MPDZ: variants seen among roughly 807,000 people sequenced by gnomAD.
MPDZ encodes the protein multiple PDZ domain protein.
MPDZ carries 234 observed loss-of-function variants against 239.1 expected under a neutral mutation model. The ratio of observed to expected loss-of-function variants is 0.98; its 90% CI spans 0.88 to 1.09. The LOEUF (loss-of-function observed/expected upper bound fraction) is 1.09, where lower values mean the gene tolerates loss of function less well. Among genes scored for constraint, MPDZ ranks in the 50% least tolerant of loss-of-function variants. The probability of loss-of-function intolerance (pLI) is 0.00; values close to 1 mark genes in which losing one functional copy is unlikely to be tolerated. For missense variants in MPDZ, 3,175 were observed against 2,510.0 expected (o/e 1.26, Z -5.66); for synonymous variants, 1,048 against 881.3 (o/e 1.19, Z -3.35).
In MPDZ at chr9:13,119,565, T is replaced by C. The variant is rs1470420725; in HGVS notation, c.5316A>G (p.Ile1772Met). 1 of 1,613,910 alleles carries C rather than the reference T, an allele frequency of 6.2e-7. No individual in the cohort carries two copies. The highest frequency in any genetic ancestry group is 1.3e-5 in the African/African-American group (1 of 74,946). Residue 1772 changes from isoleucine to methionine, a missense_variant, in exon 39 of 47, where the codon ATA becomes ATG. By Grantham distance (10) the Ile-to-Met change is conservative. Coordinates refer to ENST00000319217, the MANE Select transcript of MPDZ (RefSeq NM_001378778.1). Reference sequence around the variant, plus strand: ...GAACGTCTTCCCCATTCACCATTAATATCTGGTCTCCCTGCATCAGTCTTC... The same window carrying C: ...GAACGTCTTCCCCATTCACCATTAACATCTGGTCTCCCTGCATCAGTCTTC... ...ADGRLMQGDQ[I>M]LMVNGEDVRN...
In MPDZ at chr9:13,213,042, T is replaced by G. The variant is rs775532082; in HGVS notation, c.1290+3732A>C. On this transcript the variant is annotated intron_variant, in intron 10 of 46. Coordinates refer to ENST00000319217, the MANE Select transcript of MPDZ (RefSeq NM_001378778.1). ...GGCAACGTTTGACACTTTTCCTTAT[T>G]TATATGCTTATTTAATAATTTTTAT... Among the ~76,000 whole-genome samples the G allele has an allele frequency of 5.9e-5, 9 of 152,066 alleles. No individual in the cohort carries two copies. The South Asian group carries it at 6.2e-4, about 10-fold the overall frequency.
intron 27 of MPDZ, among the ~76,000 whole-genome samples, 179 bp from the exon 28 acceptor site, chr9:13,140,328 CAT>C (rs950700285): frequency 4.8e-5 from 7 of 145,544 alleles, no homozygotes; most frequent in African/African-American, 1.0e-4. Context: ...ATGGAAAGCT[CAT>C]ATATATATAT....
chr9:13,245,032 G>A (rs1194414918), intron 3 of MPDZ, among the ~76,000 whole-genome samples: 2 of 152,050 alleles, frequency 1.3e-5, no homozygotes, highest in African/African-American at 2.4e-5. Context: ...TTGAAAACAG[G>A]TAAGGTATGA....
intron 5 of MPDZ, 134 bp from the exon 6 acceptor site, chr9:13,222,580 C>T: frequency 1.4e-6 from 1 of 706,670 alleles, no homozygotes; most frequent in Non-Finnish European, 2.3e-6. Context: ...TCCTGCAGTT[C>T]TACTTTAAAA....
chr9:13,237,481 A>G (rs1320364190), intron 3 of MPDZ, among the ~76,000 whole-genome samples: 1 of 151,852 alleles, frequency 6.6e-6, no homozygotes, highest in South Asian at 2.1e-4. Flanking sequence ...TGGTAAGTAC[A>G]AAGTGTTTAT....
Position 13,247,619 on chromosome 9 carries a change from G to C in MPDZ, c.183+16C>G. 1 of 1,599,880 alleles carries C rather than the reference G, an allele frequency of 6.3e-7. No individual in the cohort carries two copies. The highest frequency in any genetic ancestry group is 8.6e-7 in the Non-Finnish European group (1 of 1,169,286). Reference sequence around the variant, plus strand: ...TGCCATGTCGTGAATGCCTGCTTGGGTGAATGATGTCCTACCTGGTCTTTC... The same window carrying C: ...TGCCATGTCGTGAATGCCTGCTTGGCTGAATGATGTCCTACCTGGTCTTTC... On this transcript the variant is annotated intron_variant, in intron 3 of 46. Transcript: ENST00000319217.
At chr9:13,112,193 T>A (rs141483462) in intron 42 of MPDZ, 47 bp from the exon 43 acceptor site, 1 of 1,546,608 alleles carries the variant, frequency 6.5e-7, no homozygotes, top group East Asian at 2.3e-5. Flanking sequence ...ATATTTTTCA[T>A]TGACCTTTTG....
chr9:13,186,999 A>G (rs753081529), intron 17 of MPDZ, among the ~76,000 whole-genome samples: 3 of 152,164 alleles, frequency 2.0e-5, no homozygotes, highest in Non-Finnish European at 4.4e-5. Context: ...GGTTAGAGAT[A>G]TCGTATCACA....
chr9:13,190,340 T>C (rs775493837), intron 15 of MPDZ, 41 bp from the exon 16 acceptor site: 4 of 1,455,710 alleles, frequency 2.7e-6, no homozygotes, highest in Non-Finnish European at 3.6e-6. Context: ...AGGCATTGCA[T>C]TAGCTGACAC....
Position 13,222,272 on chromosome 9 carries a change from A to G in MPDZ, c.708T>C (p.Ser236=). The G allele has an allele frequency of 6.2e-7, 1 of 1,612,808 alleles. No individual in the cohort carries two copies. The highest frequency in any genetic ancestry group is 2.2e-5 in the East Asian group (1 of 44,808). ...CTGAAATTGTGCTGGCTGCAGATGG[A>G]GAACGGGAAACTATGGGGCTGACAA... ...PQLVSPIVSR[S]PSAASTISAH... Residue 236 remains serine, a synonymous_variant, in exon 6 of 47, where the codon TCT becomes TCC. Coordinates refer to ENST00000319217, the MANE Select transcript of MPDZ (RefSeq NM_001378778.1).
chr9:13,259,323 G>C (rs578153456), intron 1 of MPDZ, among the ~76,000 whole-genome samples: 17 of 152,070 alleles, frequency 1.1e-4, no homozygotes, highest in African/African-American at 3.6e-4. Context: ...AACAGAGCAA[G>C]AGTCTGTCTC....
At position 13,115,476 on chromosome 9, in the gene MPDZ, C is replaced by T. The variant is rs1210543266; in HGVS notation, c.5380-142G>A. The T allele has an allele frequency of 4.5e-6, 3 of 666,740 alleles. No individual in the cohort carries two copies. In the East Asian group the frequency reaches 8.1e-5, roughly 18 times the overall value. 41.3% of individuals were successfully genotyped at this position (666,740 alleles called of 1,614,324 possible). On this transcript the variant is annotated intron_variant, in intron 39 of 46. Coordinates refer to ENST00000319217, the MANE Select transcript of MPDZ (RefSeq NM_001378778.1). ...TTCTATAAGCAAGGATACCTCCAAT[C>T]CCTTGTGGAAAATGGCTTTTTATAA...
At chr9:13,250,207 GA>G (rs1289288979) in intron 2 of MPDZ, 92 bp downstream of exon 2, 1 of 1,214,772 alleles carries the variant, frequency 8.2e-7, no homozygotes, top group Non-Finnish European at 1.2e-6. Flanking sequence ...ACCATAGACA[GA>G]ATCCTGCTAT....
intron 10 of MPDZ, among the ~76,000 whole-genome samples, chr9:13,211,825 G>A (rs1587830970): frequency 6.6e-6 from 1 of 152,088 alleles, no homozygotes; most frequent in East Asian, 1.9e-4. Context: ...TAAATACATA[G>A]AATTTTTCTA....
At chr9:13,228,276 A>G (rs1587958459) in intron 3 of MPDZ, among the ~76,000 whole-genome samples, 1 of 152,148 alleles carries the variant, frequency 6.6e-6, no homozygotes, top group East Asian at 1.9e-4. Flanking sequence ...TTTAGCAAAT[A>G]AACATATATT....
At chr9:13,148,151 T>C (rs1440633773) in intron 25 of MPDZ, among the ~76,000 whole-genome samples, 1 of 152,046 alleles carries the variant, frequency 6.6e-6, no homozygotes, top group African/African-American at 2.4e-5. Context: ...AATCAGATAA[T>C]GGTAAGGTTA....
rs753477677 is a variant in MPDZ at position 13,193,234 on chromosome 9, C to T, written c.1736G>A (p.Arg579Gln). Reference protein sequence around the residue: ...LEATVGHHFIRSVLPEGPVGH... With the variant: ...LEATVGHHFIQSVLPEGPVGH... ...AACAGGACCCTCTGGTAGAACAGAT[C>T]GGATAAAATGATGTCCCACTGTCGC... The change falls in exon 14 of 47, where the codon CGA becomes CAA. Residue 579 changes from arginine to glutamine, a missense_variant. Arg to Gln is a conservative substitution (Grantham distance 43, BLOSUM62 1). Coordinates refer to ENST00000319217, the MANE Select transcript of MPDZ (RefSeq NM_001378778.1). 19 of 1,612,012 alleles carry T rather than the reference C, an allele frequency of 1.2e-5. No individual in the cohort carries two copies. Among genetic ancestry groups the T allele is most frequent in the Admixed American group, 1.7e-5 (1 of 59,926 alleles).
At chr9:13,254,607 T>C (rs2138301336) in intron 1 of MPDZ, among the ~76,000 whole-genome samples, 1 of 152,310 alleles carries the variant, frequency 6.6e-6, no homozygotes, top group South Asian at 2.1e-4. Context: ...ATCTGAGATA[T>C]TGCAGGATCA....
chr9:13,229,859 G>A (rs1372539310), intron 3 of MPDZ, among the ~76,000 whole-genome samples: 3 of 152,070 alleles, frequency 2.0e-5, no homozygotes, highest in Non-Finnish European at 4.4e-5. Flanking sequence ...AAATAAAGTT[G>A]AAGTGTTTTA....
Sources: allele counts gnomAD v4.1 joint callset (sites outside exome capture counted in the v4.1 genomes callset), GRCh38; gene constraint gnomAD v4.1.1; transcripts MANE v1.5; gene names NCBI Gene and HGNC (gene_info 2026-07-23, HGNC 2026-07-21).